Variants in GLI3 observed in about 807,000 individuals in gnomAD.
The protein encoded by GLI3 is GLI family zinc finger 3, also known as transcription activator GLI3.
Under a neutral mutation model 100.8 loss-of-function variants are expected in GLI3, and 20 were observed. The ratio of observed to expected loss-of-function variants is 0.20; its 90% CI spans 0.14 to 0.29. GLI3 has a LOEUF of 0.29. GLI3 is among the 10% of genes least tolerant of loss of function. GLI3 has a pLI of 1.00. For missense variants in GLI3, 2,040 were observed against 2,128.5 expected, an observed-to-expected ratio of 0.96 and a Z score of 0.82; for synonymous variants, 938 against 860.5, an observed-to-expected ratio of 1.09 and a Z score of -1.58.
rs781219020 is a variant in GLI3 at position 41,965,091 on chromosome 7, G to A, written c.3982C>T (p.Leu1328Phe). ...VGQGYLAHQL[L>F]GDSMQHPGAG... ...CCCGGGTGCTGCATGCTGTCGCCGAGGAGCTGGTGAGCCAGGTACCCCTGT... is the reference window on the plus strand; with the variant it reads ...CCCGGGTGCTGCATGCTGTCGCCGAAGAGCTGGTGAGCCAGGTACCCCTGT... Residue 1328 changes from leucine to phenylalanine, a missense_variant, in exon 15 of 15, where the codon CTC (leucine) becomes TTC (phenylalanine). Leu to Phe is a conservative substitution (Grantham distance 22). Around this residue, in one of 5 missense-constraint regions of GLI3, gnomAD observed 1,041 missense variants for 924.0 expected, o/e 1.13. Transcript: ENST00000395925. 6.2e-7 allele frequency: 1 copy of A among 1,613,710 alleles called. No homozygotes were observed. The highest frequency in any genetic ancestry group is 1.3e-5 in the African/African-American group (1 of 74,944).
At chr7:42,071,936 A>T (rs1784791456) in intron 4 of GLI3, among the ~76,000 whole-genome samples, 1 of 152,206 alleles carries the variant, frequency 6.6e-6, no homozygotes, top group South Asian at 2.1e-4. Flanking sequence ...GAATGATTCC[A>T]GAGAGTGTCA....
At chr7:42,131,944 C>G (rs937835625) in intron 3 of GLI3, among the ~76,000 whole-genome samples, 3 of 151,890 alleles carry the variant, frequency 2.0e-5, no homozygotes, top group African/African-American at 7.3e-5. Context: ...AATATAAGCA[C>G]ATTCTGGAGT....
At position 42,182,854 on chromosome 7, in the gene GLI3, C is replaced by T. The variant is rs533263201; in HGVS notation, c.125-34386G>A. Among the ~76,000 whole-genome samples the T allele has an allele frequency of 1.0e-3, 156 of 151,572 alleles. 1 individual carries two copies. Among genetic ancestry groups the T allele is most frequent in the African/African-American group, 3.3e-3 (138 of 41,234 alleles). ...TTGAGAGGCCGAAGTGGGCAAAGTG[C>T]GCAGATCGTTTGAGGCCAGGAGTTC... On this transcript the variant is annotated intron_variant, in intron 2 of 14. Transcript: ENST00000395925.
intron 3 of GLI3, among the ~76,000 whole-genome samples, chr7:42,130,527 A>G (rs532665157): frequency 6.6e-6 from 1 of 152,326 alleles, no homozygotes; most frequent in South Asian, 2.1e-4. Context: ...GCAAAAAGTT[A>G]AAAATAATGT....
chr7:42,045,245 A>G lies in GLI3; in HGVS notation c.826+139T>C, dbSNP rs148424275. On this transcript the variant is annotated intron_variant, in intron 6 of 14. Transcript: ENST00000395925. Reference sequence around the variant, plus strand: ...GCTTCTAGAAAACGAAGGGAACCAGAGCACCAGATAGTGGTGGTTCCACTT... The same window carrying G: ...GCTTCTAGAAAACGAAGGGAACCAGGGCACCAGATAGTGGTGGTTCCACTT... The G allele has an allele frequency of 4.4e-5, 38 of 863,006 alleles. No homozygotes were observed. The African/African-American group carries it at 5.6e-4, about 13-fold the overall frequency. 53.5% of individuals were successfully genotyped at this position (863,006 alleles called of 1,614,324 possible).
At chr7:42,062,971 A>G (rs1784601745) in intron 4 of GLI3, among the ~76,000 whole-genome samples, 1 of 152,158 alleles carries the variant, frequency 6.6e-6, no homozygotes, top group Admixed American at 6.5e-5. Flanking sequence ...TAAATAAAGG[A>G]GGCTTCTGTC....
At chr7:41,986,026 A>G (rs1787812901) in intron 10 of GLI3, among the ~76,000 whole-genome samples, 2 of 152,228 alleles carry the variant, frequency 1.3e-5, no homozygotes, top group Non-Finnish European at 2.9e-5. Context: ...ACTGGTTAAT[A>G]TAAATATCAA....
chr7:42,247,766 T>C (rs1043907130), intron 1 of GLI3, among the ~76,000 whole-genome samples: 1 of 152,238 alleles, frequency 6.6e-6, no homozygotes, highest in African/African-American at 2.4e-5. Context: ...TCAGGGAAGG[T>C]AGATGTAGCA....
chr7:42,195,388 T>C (rs1041531067), intron 2 of GLI3, among the ~76,000 whole-genome samples: 2 of 152,200 alleles, frequency 1.3e-5, no homozygotes, highest in Non-Finnish European at 2.9e-5. Context: ...GTGATTTCAA[T>C]TGCTTGATAT....
chr7:42,213,045 T>A (rs1788301305), intron 2 of GLI3, among the ~76,000 whole-genome samples: 1 of 152,228 alleles, frequency 6.6e-6, no homozygotes, highest in African/African-American at 2.4e-5. Context: ...TGTTCTTCCT[T>A]ACCCAACATA....
intron 3 of GLI3, among the ~76,000 whole-genome samples, chr7:42,110,148 A>T (rs1219904883): frequency 2.0e-5 from 3 of 152,208 alleles, no homozygotes; most frequent in South Asian, 2.1e-4. Flanking sequence ...ATTCTGTGTA[A>T]CAAAAAGACA....
chr7:42,238,160 G>T (rs1276216102), upstream of GLI3, among the ~76,000 whole-genome samples: 1 of 151,722 alleles, frequency 6.6e-6, no homozygotes, highest in Non-Finnish European at 1.5e-5. Context: ...GAGGGGAAGG[G>T]GGCCCGGGCG....
chr7:42,243,705 C>T (rs1788945989), intron 1 of GLI3, among the ~76,000 whole-genome samples: 3 of 152,126 alleles, frequency 2.0e-5, no homozygotes, highest in African/African-American at 7.2e-5. Flanking sequence ...TTTTTTTAAA[C>T]CAGCTGAGCC....
Position 42,128,505 on chromosome 7 carries a change from A to C in GLI3, c.367+19721T>G, listed in dbSNP as rs545671276. ...TTTAATCTTTGTAAGTAATTCTATA[A>C]AATATGATACATGCCTAGTTTTTAG... On this transcript the variant is annotated intron_variant, in intron 3 of 14. Coordinates refer to ENST00000395925, the MANE Select transcript of GLI3 (RefSeq NM_000168.6). Among the ~76,000 whole-genome samples the C allele has an allele frequency of 3.3e-5, 5 of 152,322 alleles. No homozygotes were observed. In the East Asian group the frequency reaches 9.6e-4, roughly 29 times the overall value.
Position 41,972,958 on chromosome 7 carries a change from T to TTGA in GLI3, c.1813-334_1813-332dup, listed in dbSNP as rs141327852. Among the ~76,000 whole-genome samples, 1,659 of 151,896 alleles carry TTGA rather than the reference T, an allele frequency of 0.011. 33 individuals carry two copies. The highest frequency in any genetic ancestry group is 0.038 in the African/African-American group (1,569 of 41,384). On this transcript the variant is annotated intron_variant, in intron 12 of 14. Transcript: ENST00000395925. This position sits in a 1 kb window ranked among gnomAD's most constrained non-coding sequence, Gnocchi z 4.4. ...GCCATAATAGGCACTCAATAGATAT[T>TTGA]TGATGATGATGATGATGATGATGAC...
intron 6 of GLI3, among the ~76,000 whole-genome samples, chr7:42,041,029 A>C (rs1222248282): frequency 6.6e-6 from 1 of 152,180 alleles, no homozygotes; most frequent in Non-Finnish European, 1.5e-5. Flanking sequence ...TCCCCATATA[A>C]GAGGATAAAT....
At chr7:42,175,313 GTC>G (rs1169029401) in intron 2 of GLI3, among the ~76,000 whole-genome samples, 1 of 152,198 alleles carries the variant, frequency 6.6e-6, no homozygotes, top group East Asian at 1.9e-4. Flanking sequence ...TTGGGGCTCA[GTC>G]TCTTCATTTG....
At chr7:42,091,905 A>G (rs1785228342) in intron 3 of GLI3, among the ~76,000 whole-genome samples, 1 of 152,222 alleles carries the variant, frequency 6.6e-6, no homozygotes, top group Admixed American at 6.5e-5. Context: ...AATACCTTCT[A>G]CCGCAGAGTC....
intron 4 of GLI3, among the ~76,000 whole-genome samples, chr7:42,068,264 C>T (rs1784714897): frequency 6.6e-6 from 1 of 152,226 alleles, no homozygotes; most frequent in Non-Finnish European, 1.5e-5. Flanking sequence ...TAAACACAGG[C>T]CAGTAAGCCG....
Sources: allele counts gnomAD v4.1 joint callset (sites outside exome capture counted in the v4.1 genomes callset), GRCh38; gene constraint gnomAD v4.1.1; regional missense constraint gnomAD v4.1.1; non-coding constraint Gnocchi (gnomAD v3.1); transcripts MANE v1.5; gene names NCBI Gene and HGNC (gene_info 2026-07-23, HGNC 2026-07-21).